The following PHLPP1 variants were observed in gnomAD, a reference collection of about 807,000 sequenced individuals.
PHLPP1 encodes PH domain leucine-rich repeat-containing protein phosphatase 1.
Under a neutral mutation model 117.2 loss-of-function variants are expected in PHLPP1, and 42 were observed. That is an observed-to-expected ratio of 0.36 (90% CI 0.28 to 0.46). The LOEUF is 0.46. Ranked by LOEUF, PHLPP1 falls within the 20% of genes least tolerant of loss-of-function variation. The pLI, the probability that PHLPP1 is intolerant of heterozygous loss-of-function variation, is 1.00. For missense variants in PHLPP1, 2,084 were observed against 2,241.9 expected (o/e 0.93, Z 1.42); for synonymous variants, 1,042 against 970.7 (o/e 1.07, Z -1.37).
At chr18:62,817,804 G>A (rs1029879800) in intron 1 of PHLPP1, among the ~76,000 whole-genome samples, 6 of 147,038 alleles carry the variant, frequency 4.1e-5, no homozygotes, top group Admixed American at 6.8e-5. Context: ...CTTTAAAAAA[G>A]CACTGACAGA....
At chr18:62,933,329 C>T (rs1238802159) in intron 10 of PHLPP1, among the ~76,000 whole-genome samples, 2 of 152,092 alleles carry the variant, frequency 1.3e-5, no homozygotes, top group African/African-American at 4.8e-5. Context: ...AGAACAAAGT[C>T]TTAGGCATCA....
In PHLPP1 at chr18:62,716,595, G is replaced by A; in HGVS notation, c.912G>A (p.Leu304=). 1 of 1,297,844 alleles carries A rather than the reference G, an allele frequency of 7.7e-7. No homozygotes were observed. The highest frequency in any genetic ancestry group is 1.6e-5 in the African/African-American group (1 of 64,244). 80.4% of individuals were successfully genotyped at this position (1,297,844 alleles called of 1,614,324 possible). A position where few individuals can be genotyped will look rare whatever the true frequency, so the allele number is the denominator to read the frequency against. Residue 304 remains leucine (L), a synonymous_variant, in exon 1 of 17, where the codon CTG becomes CTA. Transcript: ENST00000262719. The surrounding 1 kb of genome is among the most constrained non-coding windows in gnomAD (Gnocchi z 5.7). ...GCGCGCCCCCCGCCGACCTACCCCTGCCCGTCGGCGGCCCGGGCGGGTGGT... is the reference window on the plus strand; with the variant it reads ...GCGCGCCCCCCGCCGACCTACCCCTACCCGTCGGCGGCCCGGGCGGGTGGT... ...PPRAPPADLP[L]PVGGPGGWSR... is the part of the protein sequence containing the mutation.
At chr18:62,806,723 C>G (rs969090101) in intron 1 of PHLPP1, among the ~76,000 whole-genome samples, 1 of 152,150 alleles carries the variant, frequency 6.6e-6, no homozygotes, top group Non-Finnish European at 1.5e-5. Flanking sequence ...ATTAGCTTGA[C>G]ATCTTTTTTG....
At chr18:62,972,784 A>G in intron 15 of PHLPP1, 76 bp downstream of exon 15, 3 of 1,149,296 alleles carry the variant, frequency 2.6e-6, no homozygotes, top group Non-Finnish European at 3.8e-6. Context: ...TTAGAAAAGC[A>G]GGTGCCCAAT....
At chr18:62,922,934 C>A (rs1488585948) in intron 10 of PHLPP1, among the ~76,000 whole-genome samples, 1 of 152,300 alleles carries the variant, frequency 6.6e-6, no homozygotes, top group East Asian at 1.9e-4. Context: ...TAATTCTGTG[C>A]AGGTCATTCT....
intron 8 of PHLPP1, among the ~76,000 whole-genome samples, chr18:62,905,809 T>G (rs970030610): frequency 1.3e-5 from 2 of 152,214 alleles, no homozygotes; most frequent in African/African-American, 2.4e-5. Flanking sequence ...TTTTCTTAGC[T>G]CCTTTTTGAA....
At chr18:62,952,107 C>G (rs1244580728) in intron 12 of PHLPP1, among the ~76,000 whole-genome samples, 1 of 151,854 alleles carries the variant, frequency 6.6e-6, no homozygotes, top group Non-Finnish European at 1.5e-5. Flanking sequence ...CGTGAGCCAC[C>G]GCGCCCGGCC....
chr18:62,809,863 T>A (rs760344992), intron 1 of PHLPP1, among the ~76,000 whole-genome samples: 5 of 152,242 alleles, frequency 3.3e-5, no homozygotes, highest in African/African-American at 7.2e-5. Context: ...AATATGCGGA[T>A]CTTTTGTACA....
rs1030551972 is a variant in PHLPP1, at chr18:62,760,911, G to A, written c.1576+43652G>A. On this transcript the variant is annotated intron_variant, in intron 1 of 16. Transcript: ENST00000262719. ...TTTAGACAGGGCTGCCTAGGCGGGA[G>A]TGCAGTGGCACAGTCATGGCTCACT... 8.5e-5 allele frequency among the ~76,000 whole-genome samples: 13 copies of A among 152,294 alleles called. No individual in the cohort carries two copies. The South Asian group carries it at 2.7e-3, about 32-fold the overall frequency.
chr18:62,934,853 G>A (rs635372), intron 10 of PHLPP1, among the ~76,000 whole-genome samples: 5,083 of 152,186 alleles, frequency 0.033, 142 homozygotes, highest in Non-Finnish European at 0.054. Context: ...AAAAAATAAG[G>A]AAAATAGTAC....
chr18:62,801,234 G>T (rs1913773574), intron 1 of PHLPP1, among the ~76,000 whole-genome samples: 1 of 151,268 alleles, frequency 6.6e-6, no homozygotes, highest in Non-Finnish European at 1.5e-5. Context: ...GTAGAGACGG[G>T]GTTTCACCAT....
intron 10 of PHLPP1, among the ~76,000 whole-genome samples, chr18:62,924,608 A>AG (rs1945535209): frequency 6.9e-6 from 1 of 145,220 alleles, no homozygotes; most frequent in Admixed American, 7.1e-5. Context: ...CCAACACGGG[A>AG]GGATTGCTTG....
intron 1 of PHLPP1, among the ~76,000 whole-genome samples, chr18:62,765,419 A>G (rs1346958251): frequency 6.6e-6 from 1 of 152,230 alleles, no homozygotes; most frequent in Admixed American, 6.5e-5. Flanking sequence ...TTTGGATATG[A>G]AAAGAAAATA....
intron 9 of PHLPP1, among the ~76,000 whole-genome samples, chr18:62,917,396 T>TTGTG (rs34407573): frequency 0.11 from 15,421 of 141,342 alleles, 972 homozygotes; most frequent in Middle Eastern, 0.17. Context: ...ACAGTATTCT[T>TTGTG]TGTGTGTGTG....
intron 1 of PHLPP1, among the ~76,000 whole-genome samples, chr18:62,816,860 A>G (rs1041423467): frequency 6.6e-6 from 1 of 152,208 alleles, no homozygotes; most frequent in South Asian, 2.1e-4. Context: ...ATATTTTGCG[A>G]AAGTATTTTC....
intron 1 of PHLPP1, 51 bp downstream of exon 1, chr18:62,717,310 G>C: frequency 6.6e-7 from 1 of 1,520,504 alleles, no homozygotes; most frequent in Non-Finnish European, 8.8e-7. Context: ...GCCGAGGACC[G>C]AGGAGTGATT....
chr18:62,932,417 A>G (rs1275069821), intron 10 of PHLPP1, among the ~76,000 whole-genome samples: 1 of 152,248 alleles, frequency 6.6e-6, no homozygotes, highest in African/African-American at 2.4e-5. Flanking sequence ...AAGATAATTC[A>G]TCATGCTCAA....
In PHLPP1 at chr18:62,858,262, CTT is replaced by C. The variant is rs34800076; in HGVS notation, c.1900-2156_1900-2155del. On this transcript the variant is annotated intron_variant, in intron 3 of 16. Coordinates refer to ENST00000262719, the MANE Select transcript of PHLPP1 (RefSeq NM_194449.4). ...AGCTCAAATATTCCATCAGCAGAACCTTTTTTTTTTTTTTTTTTGAGACACAG... is the reference window on the plus strand; with the variant it reads ...AGCTCAAATATTCCATCAGCAGAACCTTTTTTTTTTTTTTTTGAGACACAG... 5.5e-3 allele frequency among the ~76,000 whole-genome samples: 711 copies of C among 128,232 alleles called. 4 individuals are homozygous for C. The highest frequency in any genetic ancestry group is 0.016 in the African/African-American group (561 of 35,220). The allele number at this position is 128,232 out of a possible 152,430, so 84.1% of individuals were successfully genotyped here.
At chr18:62,810,779 G>A (rs1018287726) in intron 1 of PHLPP1, among the ~76,000 whole-genome samples, 2 of 152,008 alleles carry the variant, frequency 1.3e-5, no homozygotes, top group Non-Finnish European at 2.9e-5. Context: ...ACTGAACAAA[G>A]GTAGTACTAT....
Sources: allele counts gnomAD v4.1 joint callset (sites outside exome capture counted in the v4.1 genomes callset), GRCh38; gene constraint gnomAD v4.1.1; non-coding constraint Gnocchi (gnomAD v3.1); transcripts MANE v1.5; gene names NCBI Gene and HGNC (gene_info 2026-07-23, HGNC 2026-07-21).